Variants in GALC observed in about 807,000 individuals in gnomAD.
The protein encoded by GALC is galactocerebrosidase.
A neutral mutation model predicts 91.8 loss-of-function variants in GALC; 77 were observed. The observed-to-expected ratio is 0.84, with a 90% CI of 0.70 to 1.01. GALC has a LOEUF of 1.01. Among genes scored for constraint, GALC ranks in the 50% least tolerant of loss-of-function variants. The probability of loss-of-function intolerance (pLI) is 0.00; values close to 1 mark genes in which losing one functional copy is unlikely to be tolerated. For synonymous variants in GALC, 357 were observed against 306.7 expected, an observed-to-expected ratio of 1.16 and a Z score of -1.71; for missense variants, 882 against 855.9, an observed-to-expected ratio of 1.03 and a Z score of -0.38.
Position 87,952,932 on chromosome 14 carries a change from G to A in GALC, c.1162-2184C>T, listed in dbSNP as rs140322005. ...TCTCAGTGAAAATAAAATTATAGATGAACAGCCTAAACATCAGTCAGATAT... is the reference window on the plus strand; with the variant it reads ...TCTCAGTGAAAATAAAATTATAGATAAACAGCCTAAACATCAGTCAGATAT... On this transcript the variant is annotated intron_variant, in intron 10 of 16. Transcript: ENST00000261304. 8 of 894,040 alleles carry A rather than the reference G, an allele frequency of 8.9e-6. No homozygotes were observed. The East Asian group carries it at 1.5e-4, about 17-fold the overall frequency. 55.4% of individuals were successfully genotyped at this position (894,040 alleles called of 1,614,324 possible).
intron 6 of GALC, among the ~76,000 whole-genome samples, chr14:87,978,772 T>C (rs745916340): frequency 3.3e-5 from 5 of 150,802 alleles, no homozygotes; most frequent in African/African-American, 4.9e-5. Context: ...AGACACAATT[T>C]AGAAAACTTA....
intron 14 of GALC, among the ~76,000 whole-genome samples, chr14:87,942,320 G>A (rs1884897914): frequency 6.6e-6 from 1 of 151,988 alleles, no homozygotes; most frequent in Non-Finnish European, 1.5e-5. Context: ...TGTCTATAAG[G>A]AAGCAATAAA....
At chr14:87,985,439 T>G (rs955338147) in intron 4 of GALC, among the ~76,000 whole-genome samples, 16 of 152,202 alleles carry the variant, frequency 1.1e-4, no homozygotes, top group African/African-American at 3.9e-4. Flanking sequence ...CAAGTCTTTG[T>G]TAGGACATGG....
At chr14:87,960,604 G>C (rs1350015441) in intron 10 of GALC, among the ~76,000 whole-genome samples, 1 of 152,156 alleles carries the variant, frequency 6.6e-6, no homozygotes. Context: ...ACCTAAGACA[G>C]TGTGGTGCTC....
chr14:87,986,685 GAC>G, intron 3 of GALC, 83 bp from the exon 4 acceptor site: 1 of 688,682 alleles, frequency 1.5e-6, no homozygotes, highest in Non-Finnish European at 2.5e-6. Flanking sequence ...CCCCACCCCA[GAC>G]ACACACTTCA....
At chr14:87,951,586 G>A (rs946821068) in intron 10 of GALC, among the ~76,000 whole-genome samples, 1 of 151,818 alleles carries the variant, frequency 6.6e-6, no homozygotes, top group Non-Finnish European at 1.5e-5. Context: ...ACCATACTCT[G>A]ATCCATAAAG....
intron 10 of GALC, chr14:87,953,938 A>G (rs17760079): frequency 0.14 from 218,314 of 1,609,858 alleles, 16,546 homozygotes; most frequent in Non-Finnish European, 0.15. Flanking sequence ...TCAGAAACTA[A>G]GAAGGTTTTT....
chr14:87,969,127 C>T (rs1052001318), intron 7 of GALC, among the ~76,000 whole-genome samples: 15 of 152,132 alleles, frequency 9.9e-5, no homozygotes, highest in Admixed American at 7.9e-4. Context: ...AGAGCAGTGG[C>T]GGTTCTCAAC....
intron 16 of GALC, among the ~76,000 whole-genome samples, chr14:87,938,347 C>T (rs440770): frequency 0.21 from 32,519 of 151,784 alleles, 4,427 homozygotes; most frequent in Non-Finnish European, 0.3. Flanking sequence ...TGAGATGGGG[C>T]GCTGTTTTCT....
chr14:87,941,372 TAA>T (rs34752717), intron 15 of GALC, 21 bp downstream of exon 15: 322 of 1,273,312 alleles, frequency 2.5e-4, no homozygotes, highest in Non-Finnish European at 3.0e-4. Flanking sequence ...CATATGCTAT[TAA>T]AAAAAAAAAA....
intron 14 of GALC, among the ~76,000 whole-genome samples, chr14:87,944,500 C>CT (rs1262518712): frequency 6.6e-6 from 1 of 151,920 alleles, no homozygotes; most frequent in Non-Finnish European, 1.5e-5. Context: ...ACTGGAAAAT[C>CT]TAGGTAAAGT....
intron 7 of GALC, among the ~76,000 whole-genome samples, chr14:87,973,009 T>C (rs1886358996): frequency 9.1e-6 from 1 of 110,214 alleles, no homozygotes; most frequent in Non-Finnish European, 1.8e-5. Context: ...AAATATTCTT[T>C]GGGCATAAAG....
Position 87,973,526 on chromosome 14 carries a change from T to C in GALC, c.752+2832A>G, listed in dbSNP as rs72629376. ...AAAACTTGTAGCTGTCAAATCAATA[T>C]AGTAGAAGCTTAAGTTCATGTAAGA... On this transcript the variant is annotated intron_variant, in intron 7 of 16. Coordinates refer to ENST00000261304, the MANE Select transcript of GALC (RefSeq NM_000153.4). 0.01 allele frequency among the ~76,000 whole-genome samples: 1,535 copies of C among 152,262 alleles called. 59 individuals are homozygous for C. In the East Asian group the frequency reaches 0.12, roughly 12 times the overall value.
intron 7 of GALC, among the ~76,000 whole-genome samples, chr14:87,973,759 A>G (rs1354129791): frequency 2.6e-5 from 4 of 152,164 alleles, no homozygotes; most frequent in Non-Finnish European, 5.9e-5. Context: ...ATTTTTTGTT[A>G]TGGGAAAACT....
chr14:87,986,497 G>GT lies in GALC; in HGVS notation c.433dup (p.Thr145AsnfsTer43), dbSNP rs1555383679. 2.5e-6 allele frequency: 4 copies of GT among 1,578,238 alleles called. No homozygotes were observed. The highest frequency in any genetic ancestry group is 3.5e-6 in the Non-Finnish European group (4 of 1,147,518). On this transcript the variant is annotated frameshift_variant, in exon 4 of 17. Transcript: ENST00000261304. LOFTEE classifies it high-confidence loss of function. ...CAAACTTCATTTCTTACCAATGAGT[G>GT]TAATATTGGGATTCCTCTTCTTAGC... is the stretch of plus-strand genomic sequence containing the variant.
At chr14:87,940,368 C>T (rs539521342) in intron 15 of GALC, among the ~76,000 whole-genome samples, 1 of 151,980 alleles carries the variant, frequency 6.6e-6, no homozygotes, top group Non-Finnish European at 1.5e-5. Flanking sequence ...TAATTGGTCA[C>T]ATGGTAATAG....
chr14:87,972,424 G>A (rs1886331275), intron 7 of GALC, among the ~76,000 whole-genome samples: 1 of 152,106 alleles, frequency 6.6e-6, no homozygotes, highest in Non-Finnish European at 1.5e-5. Context: ...CTTTCCAAGA[G>A]GAGATATCAG....
rs201290688 is a variant in GALC at position 87,963,132 on chromosome 14, A to G, written c.1161+252T>C. 68 of 440,704 alleles carry G rather than the reference A, an allele frequency of 1.5e-4. No homozygotes were observed. In the East Asian group the frequency reaches 3.2e-3, roughly 21 times the overall value. 27.3% of individuals were successfully genotyped at this position (440,704 alleles called of 1,614,324 possible). A position where few individuals can be genotyped will look rare whatever the true frequency, so the allele number is the denominator to read the frequency against. On this transcript the variant is annotated intron_variant, in intron 10 of 16. Transcript: ENST00000261304. ...TCTCCACAAATATTGGTACACAGGTAACCTTAATTTTATCCCAACTGCCAG... is the reference window on the plus strand; with the variant it reads ...TCTCCACAAATATTGGTACACAGGTGACCTTAATTTTATCCCAACTGCCAG...
At chr14:87,943,373 T>A (rs952016495) in intron 14 of GALC, among the ~76,000 whole-genome samples, 1 of 152,016 alleles carries the variant, frequency 6.6e-6, no homozygotes, top group African/African-American at 2.4e-5. Flanking sequence ...TGACTAAATC[T>A]AGGTATAAGA....
Sources: gnomAD v4.1 joint callset for allele counts (sites outside exome capture counted in the v4.1 genomes callset) on GRCh38, gnomAD v4.1.1 for gene constraint, MANE v1.5 for transcripts, NCBI Gene and HGNC (gene_info 2026-07-23, HGNC 2026-07-21) for gene names.